Variants in TECTA observed in about 807,000 individuals in gnomAD.
TECTA encodes the protein tectorin alpha.
A neutral mutation model predicts 216.8 loss-of-function variants in TECTA; 128 were observed. That is an observed-to-expected ratio of 0.59 (90% CI 0.51 to 0.68). The LOEUF (loss-of-function observed/expected upper bound fraction) is 0.68. Among genes scored for constraint, TECTA ranks in the 30% least tolerant of loss-of-function variants. The pLI is 0.00. For missense variants in TECTA, 2,551 were observed against 2,786.2 expected, an observed-to-expected ratio of 0.92 and a Z score of 1.90; for synonymous variants, 1,089 against 1,117.1, an observed-to-expected ratio of 0.97 and a Z score of 0.50.
intron 16 of TECTA, among the ~76,000 whole-genome samples, chr11:121,164,148 T>C (rs982365973): frequency 6.6e-6 from 1 of 152,160 alleles, no homozygotes; most frequent in Non-Finnish European, 1.5e-5. Flanking sequence ...TTTTAAATTC[T>C]GTTTTCCCTG....
rs1232891803 is a variant in TECTA at position 121,145,535 on chromosome 11, C to T, written c.3544-20C>T. 2 of 1,613,250 alleles carry T rather than the reference C, an allele frequency of 1.2e-6. No homozygotes were observed. The highest frequency in any genetic ancestry group is 1.7e-6 in the Non-Finnish European group (2 of 1,179,252). On this transcript the variant is annotated intron_variant, in intron 11 of 23. Transcript: ENST00000392793. ...TCTCTGGGCCAACTGTGTTTCTCCA[C>T]CTCATCTCTCCTCTTACAGGTCAAC...
intron 3 of TECTA, among the ~76,000 whole-genome samples, chr11:121,107,399 A>G (rs1591435351): frequency 6.6e-6 from 1 of 152,186 alleles, no homozygotes; most frequent in Admixed American, 6.5e-5. Context: ...GTTTTCTTCA[A>G]GCCTCTAGGA....
intron 20 of TECTA, among the ~76,000 whole-genome samples, chr11:121,174,028 G>A (rs1947139833): frequency 6.6e-6 from 1 of 152,078 alleles, no homozygotes; most frequent in African/African-American, 2.4e-5. Context: ...TATGATTTTT[G>A]TACATTGATT....
chr11:121,144,463 T>TG (rs1946814953), intron 11 of TECTA, among the ~76,000 whole-genome samples: 2 of 151,826 alleles, frequency 1.3e-5, no homozygotes, highest in Non-Finnish European at 2.9e-5. Context: ...GGAAGGAGGT[T>TG]GGGGGAAGGG....
At chr11:121,109,076 G>A (rs1218044889) in intron 3 of TECTA, 135 bp from the exon 4 acceptor site, 1 of 923,778 alleles carries the variant, frequency 1.1e-6, no homozygotes, top group African/African-American at 1.6e-5. Flanking sequence ...ATGGAACCCG[G>A]TGTTTGGGGG....
In TECTA at chr11:121,190,739, C is replaced by T. The variant is rs372282487; in HGVS notation, c.6401C>T (p.Thr2134Met). The change falls in exon 24 of 24, where the codon ACG (threonine) becomes ATG (methionine). Residue 2134 changes from threonine to methionine, a missense_variant. By Grantham distance (81) the Thr-to-Met change is moderately conservative. This residue lies in a region of TECTA where 118 missense variants were observed against 116.4 expected (regional missense o/e 1.01). Transcript: ENST00000392793. ...TCTTCAATGGAACTTCAAGTCTGGA[C>T]GCTTCTTCTCATCATGATCCAGATT... ...SNSSMELQVW[T>M]LLLIMIQISL... 49 of 1,613,706 alleles carry T rather than the reference C, an allele frequency of 3.0e-5. No homozygotes were observed. Among genetic ancestry groups the T allele is most frequent in the African/African-American group, 8.0e-5 (6 of 74,898 alleles).
chr11:121,117,234 C>G (rs1946509875), intron 6 of TECTA, among the ~76,000 whole-genome samples: 1 of 152,208 alleles, frequency 6.6e-6, no homozygotes, highest in Admixed American at 6.5e-5. Flanking sequence ...CATCGCTGTT[C>G]TCTGTGAGAC....
intron 20 of TECTA, among the ~76,000 whole-genome samples, chr11:121,180,104 T>G (rs1278218808): frequency 6.6e-6 from 1 of 152,126 alleles, no homozygotes; most frequent in African/African-American, 2.4e-5. Flanking sequence ...TTTATGGTTG[T>G]TTGTGTACCC....
intron 7 of TECTA, among the ~76,000 whole-genome samples, chr11:121,123,733 G>A (rs776244265): frequency 5.9e-5 from 9 of 152,148 alleles, no homozygotes; most frequent in Non-Finnish European, 8.8e-5. Context: ...CAGATCGTGC[G>A]GACTTTTTGT....
chr11:121,131,213 CAAAAAAAAAAAAA>C (rs10683692), intron 10 of TECTA, among the ~76,000 whole-genome samples: 2 of 70,832 alleles, frequency 2.8e-5, no homozygotes, highest in African/African-American at 5.9e-5. Flanking sequence ...GACTCCATCT[CAAAAAAAAAAAAA>C]AAAAAAAAAG....
chr11:121,120,041 A>G (rs1290914902), intron 7 of TECTA, among the ~76,000 whole-genome samples: 1 of 152,238 alleles, frequency 6.6e-6, no homozygotes, highest in African/African-American at 2.4e-5. Context: ...AATTTTCACT[A>G]GCTTCCCCCT....
chr11:121,113,868 A>G lies in TECTA; in HGVS notation c.790+150A>G. On this transcript the variant is annotated intron_variant, in intron 6 of 23. Coordinates refer to ENST00000392793, the MANE Select transcript of TECTA (RefSeq NM_005422.4). The surrounding 1 kb of genome is among the most constrained non-coding windows in gnomAD (Gnocchi z 4.2). ...TAATGGAGATCAAGGTAATTTTAGC[A>G]TGTGCATTCATCACATCAGAAGCTA... 2.0e-6 allele frequency: 2 copies of G among 980,900 alleles called. No individual in the cohort carries two copies. Among genetic ancestry groups the G allele is most frequent in the Admixed American group, 2.0e-5 (1 of 49,908 alleles). The allele number at this position is 980,900 out of a possible 1,614,324, so 60.8% of individuals were successfully genotyped here.
intron 4 of TECTA, among the ~76,000 whole-genome samples, chr11:121,112,016 A>C (rs1374372046): frequency 6.6e-6 from 1 of 152,142 alleles, no homozygotes; most frequent in Admixed American, 6.5e-5. Flanking sequence ...CAGGATAAGG[A>C]TTTGTGTCTT....
At chr11:121,135,968 T>C (rs2135093523) in intron 10 of TECTA, among the ~76,000 whole-genome samples, 1 of 151,730 alleles carries the variant, frequency 6.6e-6, no homozygotes, top group South Asian at 2.1e-4. Flanking sequence ...TGTGCTTTTT[T>C]TTTTTCTCCA....
chr11:121,155,165 T>C (rs1946929141), intron 13 of TECTA, among the ~76,000 whole-genome samples: 1 of 152,236 alleles, frequency 6.6e-6, no homozygotes, highest in African/African-American at 2.4e-5. Flanking sequence ...TATTAGCATG[T>C]AGAGTGATCA....
chr11:121,131,389 T>C (rs1407485524), intron 10 of TECTA, among the ~76,000 whole-genome samples: 1 of 152,186 alleles, frequency 6.6e-6, no homozygotes, highest in Non-Finnish European at 1.5e-5. Context: ...TGTAACACAT[T>C]TTCTTTCTAA....
In TECTA at chr11:121,145,973, C is replaced by T. The variant is rs1162752848; in HGVS notation, c.3962C>T (p.Thr1321Ile). Residue 1321 changes from threonine to isoleucine, a missense_variant, in exon 12 of 24, where the codon ACC becomes ATC. By Grantham distance (89) the Thr-to-Ile change is moderately conservative. Around this residue, in one of 3 missense-constraint regions of TECTA, gnomAD observed 2,375 missense variants for 2,563.9 expected, o/e 0.93. Transcript: ENST00000392793. ...FSKCHSKVNP[T>I]FFYKNCLFDS... is the part of the protein sequence containing the mutation. Reference sequence around the variant, plus strand: ...AAGTGTCACAGCAAAGTTAACCCCACCTTCTTCTATAAGAACTGCCTGTTT... The same window carrying T: ...AAGTGTCACAGCAAAGTTAACCCCATCTTCTTCTATAAGAACTGCCTGTTT... 1.2e-6 allele frequency: 2 copies of T among 1,614,268 alleles called. No individual in the cohort carries two copies. Among genetic ancestry groups the T allele is most frequent in the Middle Eastern group, 1.6e-4 (1 of 6,062 alleles).
At position 121,149,841 on chromosome 11, in the gene TECTA, C is replaced by T. The variant is rs550807450; in HGVS notation, c.4106-3040C>T. On this transcript the variant is annotated intron_variant, in intron 12 of 23. Coordinates refer to ENST00000392793, the MANE Select transcript of TECTA (RefSeq NM_005422.4). Reference sequence around the variant, plus strand: ...TCTCAGTACATCATTTGGTGGGGAGCGAGAAGCAGCGGATCAGTTCTAGGA... The same window carrying T: ...TCTCAGTACATCATTTGGTGGGGAGTGAGAAGCAGCGGATCAGTTCTAGGA... Among the ~76,000 whole-genome samples the T allele has an allele frequency of 3.3e-5, 5 of 152,248 alleles. No individual in the cohort carries two copies. In the South Asian group the frequency reaches 6.2e-4, roughly 19 times the overall value.
intron 7 of TECTA, among the ~76,000 whole-genome samples, chr11:121,123,809 G>A (rs1489561124): frequency 1.3e-5 from 2 of 152,080 alleles, no homozygotes; most frequent in Non-Finnish European, 2.9e-5. Context: ...AATGGCTGAC[G>A]GGCCCTGCTT....
Sources: allele counts gnomAD v4.1 joint callset (sites outside exome capture counted in the v4.1 genomes callset), GRCh38; gene constraint gnomAD v4.1.1; regional missense constraint gnomAD v4.1.1; non-coding constraint Gnocchi (gnomAD v3.1); transcripts MANE v1.5; gene names NCBI Gene and HGNC (gene_info 2026-07-23, HGNC 2026-07-21).